Variants in ASB18 observed in about 807,000 individuals in gnomAD.
ASB18 encodes the protein ankyrin repeat and SOCS box containing 18.
Under a neutral mutation model 33.4 loss-of-function variants are expected in ASB18, and 33 were observed. That is an observed-to-expected ratio of 0.99 (90% CI 0.75 to 1.32). The LOEUF (loss-of-function observed/expected upper bound fraction) is 1.32, where lower values mean the gene tolerates loss of function less well. Ranked by LOEUF, ASB18 falls within the 40% of genes most tolerant of loss-of-function variation. The pLI, the probability that ASB18 is intolerant of heterozygous loss-of-function variation, is 0.00. For missense variants in ASB18, 694 were observed against 655.5 expected (o/e 1.06, Z -0.64); for synonymous variants, 295 against 307.6 (o/e 0.96, Z 0.43).
At position 236,245,922 on chromosome 2, in the gene ASB18, G is replaced by C. The variant is rs1275868058; in HGVS notation, c.206-4520C>G. On this transcript the variant is annotated intron_variant, in intron 1 of 5. Coordinates refer to ENST00000409749, the MANE Select transcript of ASB18 (RefSeq NM_212556.4). The surrounding 1 kb of genome is among the most constrained non-coding windows in gnomAD (Gnocchi z 4.7). ...GGCCATCTGTTGCCTTTCACCCTTA[G>C]GGAAGAACACCATAACGTGGACGCT... Among the ~76,000 whole-genome samples, 8 of 152,150 alleles carry C rather than the reference G, an allele frequency of 5.3e-5. No homozygotes were observed. The highest frequency in any genetic ancestry group is 1.2e-4 in the Non-Finnish European group (8 of 68,018).
In ASB18 at chr2:236,251,936, T is replaced by C. The variant is rs1477205291; in HGVS notation, c.206-10534A>G. On this transcript the variant is annotated intron_variant, in intron 1 of 5. Coordinates refer to ENST00000409749, the MANE Select transcript of ASB18 (RefSeq NM_212556.4). The surrounding 1 kb of genome is among the most constrained non-coding windows in gnomAD (Gnocchi z 5.3). The stretch of plus-strand genomic sequence containing the variant: ...AAATGTTCTATACTGAGTTTACATG[T>C]ACAGAGCATTTTTCAGGTACAAGAA... Among the ~76,000 whole-genome samples the C allele has an allele frequency of 6.6e-6, 1 of 152,176 alleles. No homozygotes were observed. The highest frequency in any genetic ancestry group is 1.5e-5 in the Non-Finnish European group (1 of 68,036).
At position 236,194,994 on chromosome 2, in the gene ASB18, G is replaced by T; in HGVS notation, c.1279C>A (p.Leu427Ile). Residue 427 changes from leucine (L) to isoleucine (I), a missense_variant, in exon 6 of 6, where the codon CTT becomes ATT. Transcript: ENST00000409749. The surrounding 1 kb of genome is among the most constrained non-coding windows in gnomAD (Gnocchi z 4.5). ...AGTCTGCGAAGAGCACAGCGGCAAAGATGCTGCAGGCAGCGTGGGGTGAGG... is the reference window on the plus strand; with the variant it reads ...AGTCTGCGAAGAGCACAGCGGCAAATATGCTGCAGGCAGCGTGGGGTGAGG... The part of the protein sequence containing the change: ...LALTPRCLQH[L>I]CRCALRRLFG... 1.2e-6 allele frequency: 2 copies of T among 1,613,942 alleles called. No homozygotes were observed. Among genetic ancestry groups the T allele is most frequent in the East Asian group, 2.2e-5 (1 of 44,870 alleles).
chr2:236,255,479 C>A lies in ASB18; in HGVS notation c.205+8662G>T, dbSNP rs2060688035. Among the ~76,000 whole-genome samples the A allele has an allele frequency of 6.6e-6, 1 of 152,156 alleles. No homozygotes were observed. Among genetic ancestry groups the A allele is most frequent in the Admixed American group, 6.5e-5 (1 of 15,278 alleles). On this transcript the variant is annotated intron_variant, in intron 1 of 5. Coordinates refer to ENST00000409749, the MANE Select transcript of ASB18 (RefSeq NM_212556.4). This position sits in a 1 kb window ranked among gnomAD's most constrained non-coding sequence, Gnocchi z 4.4. ...TTATCACAATGCGAGAACGGACTAA[C>A]ACAGTGGGGAGATGTATTTCTTTTT...
rs867591634 is a variant in ASB18, at chr2:236,264,179, T to C, written c.167A>G (p.Lys56Arg). ...GGTGGGCAGCTGAGCCGAGGGGTCT[T>C]TCATCCAGTCGTCATTGGCCAGTTC... is the stretch of plus-strand genomic sequence containing the variant. ...VIELANDDWM[K>R]DPSAQLPTGM... Residue 56 changes from lysine to arginine, a missense_variant, in exon 1 of 6, where the codon AAA becomes AGA. Transcript: ENST00000409749. This position sits in a 1 kb window ranked among gnomAD's most constrained non-coding sequence, Gnocchi z 5.1. The C allele has an allele frequency of 5.6e-6, 9 of 1,613,860 alleles. No homozygotes were observed. In the African/African-American group the frequency reaches 8.0e-5, roughly 14 times the overall value.
In ASB18 at chr2:236,253,584, C is replaced by T. The variant is rs1444764631; in HGVS notation, c.205+10557G>A. On this transcript the variant is annotated intron_variant, in intron 1 of 5. Transcript: ENST00000409749. The surrounding 1 kb of genome is among the most constrained non-coding windows in gnomAD (Gnocchi z 5.4). ...ATTATTGTGGTGGGAGATGGGGTCT[C>T]ACTGTGTTGCCCAGGCTGGTCTCTA... 1.3e-5 allele frequency among the ~76,000 whole-genome samples: 2 copies of T among 151,692 alleles called. No homozygotes were observed. Among genetic ancestry groups the T allele is most frequent in the African/African-American group, 2.4e-5 (1 of 41,258 alleles).
chr2:236,223,572 A>C lies in ASB18; in HGVS notation c.597-8706T>G, dbSNP rs1021158470. ...ACTTCTGTGAGGTACACACGCAGAA[A>C]TGCACAGGTCTTAAGAGCACAATTG... On this transcript the variant is annotated intron_variant, in intron 3 of 5. Transcript: ENST00000409749. This position sits in a 1 kb window ranked among gnomAD's most constrained non-coding sequence, Gnocchi z 4.6. Among the ~76,000 whole-genome samples the C allele has an allele frequency of 2.0e-5, 3 of 152,238 alleles. No homozygotes were observed. Among genetic ancestry groups the C allele is most frequent in the Non-Finnish European group, 2.9e-5 (2 of 68,046 alleles).
chr2:236,264,082 C>G lies in ASB18; in HGVS notation c.205+59G>C. The G allele has an allele frequency of 2.0e-6, 3 of 1,495,756 alleles. No homozygotes were observed. In the South Asian group the frequency reaches 3.5e-5, roughly 17 times the overall value. 92.7% of individuals were successfully genotyped at this position (1,495,756 alleles called of 1,614,324 possible). On this transcript the variant is annotated intron_variant, in intron 1 of 5. Transcript: ENST00000409749. This position sits in a 1 kb window ranked among gnomAD's most constrained non-coding sequence, Gnocchi z 5.1. ...TGCCCCTCTACCTCCAGGATCTGCC[C>G]ACCCCATCAGTGTAACTTAGTAATT...
At chr2:236,230,109 C>A (rs2060557696) in intron 3 of ASB18, among the ~76,000 whole-genome samples, 2 of 151,686 alleles carry the variant, frequency 1.3e-5, no homozygotes, top group Non-Finnish European at 2.9e-5. Flanking sequence ...CTATATTCCA[C>A]CTGTTTGAGA....
chr2:236,218,812 A>G (rs928253392), intron 3 of ASB18, among the ~76,000 whole-genome samples: 9 of 151,470 alleles, frequency 5.9e-5, no homozygotes, highest in South Asian at 2.1e-4. Flanking sequence ...AAAAAAAAAA[A>G]AAAAGAAAAA....
rs1321088173 is a variant in ASB18, at chr2:236,211,457, G to T, written c.1101+2905C>A. ...TGCCTTTGTCTGGGCATGGGGAGCTGTGATTTATGTCATAAGCTCGCTGTG... is the reference window on the plus strand; with the variant it reads ...TGCCTTTGTCTGGGCATGGGGAGCTTTGATTTATGTCATAAGCTCGCTGTG... On this transcript the variant is annotated intron_variant, in intron 4 of 5. Transcript: ENST00000409749. The surrounding 1 kb of genome is among the most constrained non-coding windows in gnomAD (Gnocchi z 5.0). 6.6e-6 allele frequency among the ~76,000 whole-genome samples: 1 copy of T among 152,274 alleles called. No homozygotes were observed. The highest frequency in any genetic ancestry group is 1.5e-5 in the Non-Finnish European group (1 of 68,058).
rs950235194 is a variant in ASB18 at position 236,259,210 on chromosome 2, T to C, written c.205+4931A>G. Among the ~76,000 whole-genome samples, 1 of 152,202 alleles carries C rather than the reference T, an allele frequency of 6.6e-6. No homozygotes were observed. Among genetic ancestry groups the C allele is most frequent in the Non-Finnish European group, 1.5e-5 (1 of 68,040 alleles). On this transcript the variant is annotated intron_variant, in intron 1 of 5. Transcript: ENST00000409749. This position sits in a 1 kb window ranked among gnomAD's most constrained non-coding sequence, Gnocchi z 4.4. ...GCAGAAAGTAGAATTAAATATTTCTTTGCAGAAACCCAAATCCCAATAGTG... is the reference window on the plus strand; with the variant it reads ...GCAGAAAGTAGAATTAAATATTTCTCTGCAGAAACCCAAATCCCAATAGTG...
intron 3 of ASB18, among the ~76,000 whole-genome samples, chr2:236,224,780 T>G (rs1167303811): frequency 6.6e-6 from 1 of 152,212 alleles, no homozygotes; most frequent in African/African-American, 2.4e-5. Context: ...TGTGACATTC[T>G]GCAAATATTA....
chr2:236,216,426 C>T lies in ASB18; in HGVS notation c.597-1560G>A, dbSNP rs2060488204. Reference sequence around the variant, plus strand: ...AATCTGTTTTGACAACAGCTGTTGCCTCCCTCTTCCCCAGGCCTAAGGAAG... The same window carrying T: ...AATCTGTTTTGACAACAGCTGTTGCTTCCCTCTTCCCCAGGCCTAAGGAAG... On this transcript the variant is annotated intron_variant, in intron 3 of 5. Transcript: ENST00000409749. This position sits in a 1 kb window ranked among gnomAD's most constrained non-coding sequence, Gnocchi z 6.1. Among the ~76,000 whole-genome samples, 2 of 152,072 alleles carry T rather than the reference C, an allele frequency of 1.3e-5. 1 individual carries two copies. The highest frequency in any genetic ancestry group is 4.1e-4 in the South Asian group (2 of 4,826).
rs1004402113 is a variant in ASB18, at chr2:236,234,949, T to A, written c.596+2740A>T. Among the ~76,000 whole-genome samples, 6 of 152,242 alleles carry A rather than the reference T, an allele frequency of 3.9e-5. No individual in the cohort carries two copies. In the South Asian group the frequency reaches 1.2e-3, roughly 32 times the overall value. ...AAGAGAAAAAATGGATAAACTGGAC[T>A]CCATAAAAATTAAGAACTTCTGTTC... On this transcript the variant is annotated intron_variant, in intron 3 of 5. Coordinates refer to ENST00000409749, the MANE Select transcript of ASB18 (RefSeq NM_212556.4). The surrounding 1 kb of genome is among the most constrained non-coding windows in gnomAD (Gnocchi z 4.1).
At position 236,259,370 on chromosome 2, in the gene ASB18, G is replaced by A. The variant is rs551989618; in HGVS notation, c.205+4771C>T. 6.0e-5 allele frequency: 23 copies of A among 381,692 alleles called. No homozygotes were observed. Among genetic ancestry groups the A allele is most frequent in the Admixed American group, 1.1e-4 (4 of 35,154 alleles). The allele number at this position is 381,692 out of a possible 1,614,324, so 23.6% of individuals were successfully genotyped here. On this transcript the variant is annotated intron_variant, in intron 1 of 5. Transcript: ENST00000409749. The surrounding 1 kb of genome is among the most constrained non-coding windows in gnomAD (Gnocchi z 4.4). ...CCTGTGCTAGGCTCTGGATATAATC[G>A]AGTGTTAGGCGAGGTTCTGGCCCTA...
rs1211881171 is a variant in ASB18, at chr2:236,214,448, A to C, written c.1015T>G (p.Cys339Gly). The C allele has an allele frequency of 2.6e-6, 4 of 1,540,028 alleles. No homozygotes were observed. The highest frequency in any genetic ancestry group is 3.5e-6 in the Non-Finnish European group (4 of 1,150,074). Residue 339 changes from cysteine to glycine, a missense_variant, in exon 4 of 6, where the codon TGC becomes GGC. Transcript: ENST00000409749. The surrounding 1 kb of genome is among the most constrained non-coding windows in gnomAD (Gnocchi z 6.5). The stretch of plus-strand genomic sequence containing the variant: ...CGCTGCGGTGAGGCCTGGAGAGCGC[A>C]GGATGCGGTCTGGAGCACGCGGCCC... ...PLGRVLQTAS[C>G]ALQASPQRTV...
Position 236,196,181 on chromosome 2 carries a change from A to G in ASB18, c.1215+91T>C. 1.4e-6 allele frequency: 1 copy of G among 736,890 alleles called. No individual in the cohort carries two copies. Among genetic ancestry groups the G allele is most frequent in the South Asian group, 1.5e-5 (1 of 67,526 alleles). 45.6% of individuals were successfully genotyped at this position (736,890 alleles called of 1,614,324 possible). A position where few individuals can be genotyped will look rare whatever the true frequency, so the allele number is the denominator to read the frequency against. ...TTCCTTTTTCAGATGTATAATACTT[A>G]GCCGAATATCAGTGCAAAACTCCCC... On this transcript the variant is annotated intron_variant, in intron 5 of 5. Transcript: ENST00000409749. This position sits in a 1 kb window ranked among gnomAD's most constrained non-coding sequence, Gnocchi z 5.6.
rs1455868423 is a variant in ASB18, at chr2:236,214,276, A to T, written c.1101+86T>A. On this transcript the variant is annotated intron_variant, in intron 4 of 5. Coordinates refer to ENST00000409749, the MANE Select transcript of ASB18 (RefSeq NM_212556.4). The surrounding 1 kb of genome is among the most constrained non-coding windows in gnomAD (Gnocchi z 6.5). ...GGTGCCTGGGCCATTACACTTTGAG[A>T]GCGCCGCATGCAACCCAGCTCCCAG... is the stretch of plus-strand genomic sequence containing the variant. The T allele has an allele frequency of 2.2e-6, 3 of 1,388,374 alleles. No homozygotes were observed. Among genetic ancestry groups the T allele is most frequent in the Non-Finnish European group, 2.9e-6 (3 of 1,036,444 alleles). The allele number at this position is 1,388,374 out of a possible 1,614,324, so 86.0% of individuals were successfully genotyped here.
intron 3 of ASB18, among the ~76,000 whole-genome samples, chr2:236,233,509 C>A (rs1357426180): frequency 6.6e-6 from 1 of 151,984 alleles, no homozygotes; most frequent in Non-Finnish European, 1.5e-5. Context: ...TTGTAGACGA[C>A]ATGATTGCTT....
Sources: gnomAD v4.1 joint callset for allele counts (sites outside exome capture counted in the v4.1 genomes callset) on GRCh38, gnomAD v4.1.1 for gene constraint, Gnocchi (gnomAD v3.1) non-coding constraint, MANE v1.5 for transcripts, NCBI Gene and HGNC (gene_info 2026-07-23, HGNC 2026-07-21) for gene names.